The following DGKB variants were observed in gnomAD, a reference collection of about 807,000 sequenced individuals.
DGKB encodes the protein 90 kDa diacylglycerol kinase.
In DGKB, 67 loss-of-function variants were observed where a neutral mutation model predicts 114.3. The ratio of observed to expected loss-of-function variants is 0.59; its 90% CI spans 0.48 to 0.72. DGKB has a LOEUF of 0.72. DGKB is among the 30% of genes least tolerant of loss of function. The pLI, the probability that DGKB is intolerant of heterozygous loss-of-function variation, is 0.00. For missense variants in DGKB, 907 were observed against 975.2 expected (o/e 0.93, Z 0.93); for synonymous variants, 398 against 323.1 (o/e 1.23, Z -2.49).
At chr7:14,217,788 C>T (rs1004011449) in intron 23 of DGKB, among the ~76,000 whole-genome samples, 2 of 151,934 alleles carry the variant, frequency 1.3e-5, no homozygotes, top group African/African-American at 2.4e-5. Context: ...ATGAATGTAC[C>T]GGTGCTTGAT....
At chr7:14,965,396 G>A (rs1367458266) in intron 1 of DGKB, among the ~76,000 whole-genome samples, 1 of 151,984 alleles carries the variant, frequency 6.6e-6, no homozygotes, top group Non-Finnish European at 1.5e-5. Flanking sequence ...AGAACTCAGA[G>A]CATATTTTTA....
At chr7:14,745,983 C>A (rs532804431) in intron 4 of DGKB, among the ~76,000 whole-genome samples, 1 of 152,152 alleles carries the variant, frequency 6.6e-6, no homozygotes, top group Non-Finnish European at 1.5e-5. Flanking sequence ...TCTGGCTCAG[C>A]AAGCAAAATA....
intron 21 of DGKB, among the ~76,000 whole-genome samples, chr7:14,407,582 C>T (rs188880315): frequency 6.6e-6 from 1 of 152,072 alleles, no homozygotes; most frequent in Non-Finnish European, 1.5e-5. Context: ...CAAATTAAAA[C>T]CTCAACTCAC....
At chr7:14,949,884 T>C (rs1049845586) in intron 1 of DGKB, among the ~76,000 whole-genome samples, 1 of 151,042 alleles carries the variant, frequency 6.6e-6, no homozygotes, top group Non-Finnish European at 1.5e-5. Flanking sequence ...TTCTCACTCA[T>C]AGGTTGGAAT....
At chr7:14,362,085 G>A (rs573789342) in intron 21 of DGKB, among the ~76,000 whole-genome samples, 1 of 152,020 alleles carries the variant, frequency 6.6e-6, no homozygotes, top group African/African-American at 2.4e-5. Context: ...TTTCTATACT[G>A]AACAGATTAC....
intron 1 of DGKB, among the ~76,000 whole-genome samples, chr7:14,942,092 G>A (rs2128255153): frequency 6.6e-6 from 1 of 151,850 alleles, no homozygotes; most frequent in South Asian, 2.1e-4. Context: ...ATCCCTGCTT[G>A]TTAGCAGACC....
At chr7:14,703,482 T>C (rs1825582062) in intron 6 of DGKB, among the ~76,000 whole-genome samples, 1 of 152,184 alleles carries the variant, frequency 6.6e-6, no homozygotes, top group Non-Finnish European at 1.5e-5. Context: ...CATTAGAAAA[T>C]GAAAACTCTA....
At chr7:14,585,291 T>A (rs1403311958) in intron 17 of DGKB, among the ~76,000 whole-genome samples, 1 of 152,170 alleles carries the variant, frequency 6.6e-6, no homozygotes, top group East Asian at 1.9e-4. Flanking sequence ...CAGTTGCCCA[T>A]TCCAGGAAGT....
chr7:14,906,387 C>G (rs10235897), upstream of DGKB, among the ~76,000 whole-genome samples: 61,471 of 150,318 alleles, frequency 0.41, 16,182 homozygotes, highest in East Asian at 0.88. Context: ...AGCACTTAAA[C>G]TGTGAAGTAT....
intron 23 of DGKB, among the ~76,000 whole-genome samples, chr7:14,281,428 C>G (rs895346478): frequency 7.2e-6 from 1 of 139,380 alleles, no homozygotes; most frequent in Non-Finnish European, 1.5e-5. Context: ...TTTAACACCC[C>G]ACTGTCAACA....
intron 21 of DGKB, among the ~76,000 whole-genome samples, chr7:14,377,666 G>A (rs1426344612): frequency 6.6e-6 from 1 of 152,102 alleles, no homozygotes; most frequent in African/African-American, 2.4e-5. Context: ...TATCCAAACC[G>A]TATACCTAGC....
chr7:14,266,196 C>A (rs1409510913), intron 23 of DGKB, among the ~76,000 whole-genome samples: 1 of 152,230 alleles, frequency 6.6e-6, no homozygotes, highest in South Asian at 2.1e-4. Context: ...AGTTTGTATG[C>A]CTTCAAATTG....
chr7:14,234,688 G>C (rs1331459028), intron 23 of DGKB, among the ~76,000 whole-genome samples: 1 of 151,974 alleles, frequency 6.6e-6, no homozygotes, highest in East Asian at 1.9e-4. Flanking sequence ...CCCTCAGAAA[G>C]TTACTTTATT....
chr7:14,394,271 G>C (rs563058402), intron 21 of DGKB, among the ~76,000 whole-genome samples: 2 of 152,252 alleles, frequency 1.3e-5, no homozygotes, highest in African/African-American at 4.8e-5. Flanking sequence ...TTTGCTATTA[G>C]AGTTATACTA....
chr7:14,868,615 C>T (rs6966249), intron 1 of DGKB, among the ~76,000 whole-genome samples: 61,255 of 151,866 alleles, frequency 0.4, 13,032 homozygotes, highest in East Asian at 0.64. Context: ...TAGCTCTGCC[C>T]CTCATCCCAA....
intron 23 of DGKB, among the ~76,000 whole-genome samples, chr7:14,305,575 C>A (rs1804330428): frequency 6.6e-6 from 1 of 152,074 alleles, no homozygotes. Flanking sequence ...GAATTCAAAG[C>A]ATTCTAAACA....
At chr7:14,313,829 G>A (rs1401450716) in intron 23 of DGKB, among the ~76,000 whole-genome samples, 2 of 152,204 alleles carry the variant, frequency 1.3e-5, no homozygotes, top group Admixed American at 6.5e-5. Context: ...TCTGGGGGCA[G>A]GGCACAGACA....
intron 21 of DGKB, among the ~76,000 whole-genome samples, chr7:14,475,007 C>G (rs146003284): frequency 1.3e-5 from 2 of 151,874 alleles, no homozygotes; most frequent in African/African-American, 4.8e-5. Context: ...TCTTAAGCAA[C>G]GGAAAAATCA....
intron 2 of DGKB, among the ~76,000 whole-genome samples, chr7:14,835,181 T>C (rs556994359): frequency 6.6e-6 from 1 of 152,246 alleles, no homozygotes; most frequent in East Asian, 1.9e-4. Context: ...CAGATTCAAG[T>C]TTCAGACCAA....
Sources: gnomAD v4.1 joint callset for allele counts (sites outside exome capture counted in the v4.1 genomes callset) on GRCh38, gnomAD v4.1.1 for gene constraint, MANE v1.5 for transcripts, NCBI Gene and HGNC (gene_info 2026-07-23, HGNC 2026-07-21) for gene names.